C13orf42: variants seen among roughly 807,000 people sequenced by gnomAD.
C13orf42 encodes the protein uncharacterized protein C13orf42.
intron 1 of C13orf42, among the ~76,000 whole-genome samples, chr13:51,153,756 C>A (rs1034470726): frequency 6.6e-6 from 1 of 150,972 alleles, no homozygotes; most frequent in Admixed American, 6.6e-5. Context: ...ATTCTCCCAC[C>A]TCAGCCTCCC....
chr13:51,089,436 AT>A (rs1450695835), intron 1 of C13orf42, among the ~76,000 whole-genome samples: 1 of 152,054 alleles, frequency 6.6e-6, no homozygotes, highest in Non-Finnish European at 1.5e-5. Context: ...TGATTGGATC[AT>A]GGGGGCGGTT....
chr13:51,122,052 GTGT>G (rs1391614474), intron 1 of C13orf42, among the ~76,000 whole-genome samples: 4 of 152,086 alleles, frequency 2.6e-5, no homozygotes, highest in African/African-American at 9.7e-5. Context: ...GTACACAAAT[GTGT>G]TGTTTTGAAG....
At chr13:51,087,367 T>A (rs533081972) in intron 2 of C13orf42, among the ~76,000 whole-genome samples, 4 of 152,312 alleles carry the variant, frequency 2.6e-5, no homozygotes, top group African/African-American at 9.6e-5. Context: ...AGAAGCTGGA[T>A]TCTCAAATAC....
intron 1 of C13orf42, among the ~76,000 whole-genome samples, chr13:51,151,843 G>A (rs958514436): frequency 5.3e-5 from 8 of 152,202 alleles, no homozygotes; most frequent in South Asian, 2.1e-4. Context: ...TACTATTCTG[G>A]ACTTACATGG....
In C13orf42 at chr13:51,169,522, T is replaced by C. The variant is rs570896274; in HGVS notation, n.136+2731A>G. The stretch of plus-strand genomic sequence containing the variant: ...TAGCCAACATAATAGGGAAAATGCC[T>C]CAAAGGCATTTCAGAGGTCTTTGCA... On this transcript the variant is annotated intron_variant and non_coding_transcript_variant, in intron 1 of 4. Transcript: ENST00000433280. 2.0e-5 allele frequency among the ~76,000 whole-genome samples: 3 copies of C among 152,216 alleles called. No individual in the cohort carries two copies. In the South Asian group the frequency reaches 6.2e-4, roughly 32 times the overall value.
At chr13:51,115,184 A>G (rs547187483), upstream of C13orf42, among the ~76,000 whole-genome samples, 4 of 152,320 alleles carry the variant, frequency 2.6e-5, no homozygotes, top group African/African-American at 4.8e-5. Context: ...TTGGAATCCA[A>G]TTATAATTCA....
rs139005248 is a variant in C13orf42, at chr13:51,083,142, G to C, written c.*1009C>G. The C allele has an allele frequency of 1.9e-4, 29 of 152,166 alleles. No homozygotes were observed. The highest frequency in any genetic ancestry group is 6.7e-4 in the African/African-American group (28 of 41,526). 9.4% of individuals were successfully genotyped at this position (152,166 alleles called of 1,614,324 possible). On this transcript the variant is annotated 3_prime_UTR_variant, in exon 4 of 4. Coordinates refer to ENST00000563710, the MANE Select transcript of C13orf42 (RefSeq NM_001351589.3). ...TGCACAGACTGGTTTACAAGAAAAT[G>C]CCAAAAAAAGAAGTGAGAATAGATA...
intron 1 of C13orf42, among the ~76,000 whole-genome samples, chr13:51,153,621 G>GTTTTTTTTTTTTTTTTTT (rs1202370498): frequency 7.7e-4 from 63 of 81,998 alleles, no homozygotes; most frequent in Non-Finnish European, 1.2e-3. Context: ...CTTGCTTTCT[G>GTTTTTTTTTTTTTTTTTT]TTTTTTTTCT....
At chr13:51,121,629 G>A (rs192182334) in intron 1 of C13orf42, among the ~76,000 whole-genome samples, 16 of 148,820 alleles carry the variant, frequency 1.1e-4, no homozygotes, top group Middle Eastern at 3.5e-3. Context: ...TCCACCTCCC[G>A]GGTTCAAGTG....
chr13:51,108,695 A>G (rs918741879), intron 1 of C13orf42, among the ~76,000 whole-genome samples: 8 of 152,234 alleles, frequency 5.3e-5, no homozygotes, highest in African/African-American at 1.9e-4. Context: ...CCTGACAGAA[A>G]AACAGACCCA....
intron 1 of C13orf42, among the ~76,000 whole-genome samples, chr13:51,129,042 G>A (rs1255659205): frequency 6.6e-6 from 1 of 152,162 alleles, no homozygotes; most frequent in Non-Finnish European, 1.5e-5. Context: ...TTAGACTGGG[G>A]TACCTGAGCT....
At chr13:51,145,539 TA>T (rs1433716380) in intron 1 of C13orf42, among the ~76,000 whole-genome samples, 3 of 152,088 alleles carry the variant, frequency 2.0e-5, no homozygotes, top group Non-Finnish European at 4.4e-5. Flanking sequence ...AAGATTTTTT[TA>T]AAAAAGGGGG....
At chr13:51,169,290 G>A (rs1318011926) in intron 1 of C13orf42, among the ~76,000 whole-genome samples, 1 of 152,210 alleles carries the variant, frequency 6.6e-6, no homozygotes, top group East Asian at 1.9e-4. Context: ...AGAGGTCTCA[G>A]ATGGAGATGA....
chr13:51,100,849 T>C (rs992404543), intron 1 of C13orf42, among the ~76,000 whole-genome samples: 23 of 152,172 alleles, frequency 1.5e-4, no homozygotes, highest in African/African-American at 5.5e-4. Context: ...CTTACAGACA[T>C]AGAGTAAAAT....
intron 1 of C13orf42, among the ~76,000 whole-genome samples, chr13:51,109,586 CA>C (rs987176952): frequency 2.2e-4 from 31 of 144,180 alleles, no homozygotes; most frequent in South Asian, 4.4e-4. Flanking sequence ...CCCATCTCTA[CA>C]AAAAAAAAAA....
rs116708676 is a variant in C13orf42 at position 51,162,090 on chromosome 13, G to C, written n.136+10163C>G. On this transcript the variant is annotated intron_variant and non_coding_transcript_variant, in intron 1 of 4. Transcript: ENST00000433280. ...AGGCCAACCTTTACACCGTATTTTG[G>C]AAGTTCGTGTGCATAAGCTGCACAG... The C allele has an allele frequency of 8.7e-3, 2,912 of 334,362 alleles. 83 individuals are homozygous for C. The highest frequency in any genetic ancestry group is 0.057 in the African/African-American group (2,664 of 46,410). The allele number at this position is 334,362 out of a possible 1,614,324, so 20.7% of individuals were successfully genotyped here.
intron 1 of C13orf42, among the ~76,000 whole-genome samples, chr13:51,128,947 C>A (rs962032249): frequency 6.6e-6 from 1 of 152,040 alleles, no homozygotes; most frequent in African/African-American, 2.4e-5. Flanking sequence ...GTCTGTTTAC[C>A]CTACCTCCAT....
At position 51,170,126 on chromosome 13, in the gene C13orf42, A is replaced by G. The variant is rs9596475; in HGVS notation, n.136+2127T>C. Among the ~76,000 whole-genome samples, 11 of 151,840 alleles carry G rather than the reference A, an allele frequency of 7.2e-5. No homozygotes were observed. The East Asian group carries it at 9.7e-4, about 13-fold the overall frequency. ...TGAGCACCTTGCGATCCCCACTCCT[A>G]CCCGCCAGAGAACAAACCCCCTTTG... On this transcript the variant is annotated intron_variant and non_coding_transcript_variant, in intron 1 of 4. Coordinates refer to the C13orf42 transcript ENST00000433280.
chr13:51,122,978 T>C (rs1295879149), intron 1 of C13orf42, among the ~76,000 whole-genome samples: 1 of 152,208 alleles, frequency 6.6e-6, no homozygotes, highest in African/African-American at 2.4e-5. Context: ...GATGTTCTGA[T>C]AGCATTAGAA....
Sources: allele counts gnomAD v4.1 joint callset (sites outside exome capture counted in the v4.1 genomes callset), GRCh38; gene constraint gnomAD v4.1.1; transcripts MANE v1.5; gene names NCBI Gene and HGNC (gene_info 2026-07-23, HGNC 2026-07-21).